The following FLT3 variants were observed in gnomAD, a reference collection of about 807,000 sequenced individuals.
FLT3 encodes the protein fms related receptor tyrosine kinase 3, also known as receptor-type tyrosine-protein kinase FLT3.
Under a neutral mutation model 126.6 loss-of-function variants are expected in FLT3, and 46 were observed. The observed-to-expected ratio is 0.36, with a 90% CI of 0.29 to 0.46. FLT3 has a LOEUF of 0.46. Among genes scored for constraint, FLT3 ranks in the 20% least tolerant of loss-of-function variants. FLT3 has a pLI of 1.00. For missense variants in FLT3, 1,069 were observed against 1,190.3 expected, an observed-to-expected ratio of 0.90 and a Z score of 1.50; for synonymous variants, 404 against 434.4, an observed-to-expected ratio of 0.93 and a Z score of 0.87.
At chr13:28,076,868 C>T (rs1037375994) in intron 1 of FLT3, among the ~76,000 whole-genome samples, 1 of 150,726 alleles carries the variant, frequency 6.6e-6, no homozygotes, top group East Asian at 2.0e-4. Flanking sequence ...GTCAAGGCTG[C>T]AGTGAGCTGT....
chr13:28,089,209 C>CT (rs1878873121), intron 1 of FLT3, among the ~76,000 whole-genome samples: 2 of 152,164 alleles, frequency 1.3e-5, no homozygotes, highest in Admixed American at 6.6e-5. Context: ...ATACCACATG[C>CT]TGACGATGAC....
At chr13:28,015,777 T>G in intron 20 of FLT3, 76 bp from the exon 21 acceptor site, 1 of 854,906 alleles carries the variant, frequency 1.2e-6, no homozygotes, top group Non-Finnish European at 2.0e-6. Flanking sequence ...TGTATTAAGA[T>G]GAAATGCATC....
At chr13:28,033,835 T>G in intron 15 of FLT3, 52 bp downstream of exon 15, 1 of 1,324,258 alleles carries the variant, frequency 7.6e-7, no homozygotes, top group Non-Finnish European at 1.1e-6. Flanking sequence ...GGTGGGAAAC[T>G]GTGCCTCCCA....
chr13:28,048,742 T>C (rs750326759), intron 8 of FLT3, among the ~76,000 whole-genome samples: 1 of 152,202 alleles, frequency 6.6e-6, no homozygotes, highest in Non-Finnish European at 1.5e-5. Flanking sequence ...CACTCTTCCA[T>C]TGATGAGAGA....
chr13:28,017,886 G>A (rs60783479), intron 20 of FLT3, among the ~76,000 whole-genome samples: 12,977 of 151,862 alleles, frequency 0.085, 1,477 homozygotes, highest in African/African-American at 0.26. Flanking sequence ...GGCTGGTATC[G>A]AACTCCTGAC....
At chr13:28,078,956 C>T (rs977013628) in intron 1 of FLT3, among the ~76,000 whole-genome samples, 2 of 152,180 alleles carry the variant, frequency 1.3e-5, no homozygotes, top group African/African-American at 2.4e-5. Flanking sequence ...TCGTGATCCC[C>T]CCGCCTTGGC....
At chr13:28,093,870 C>T (rs1164197390) in intron 1 of FLT3, among the ~76,000 whole-genome samples, 1 of 151,930 alleles carries the variant, frequency 6.6e-6, no homozygotes, top group Non-Finnish European at 1.5e-5. Flanking sequence ...TAACACAGGT[C>T]CTAGACATAG....
chr13:28,079,224 T>C (rs1318477263), intron 1 of FLT3, among the ~76,000 whole-genome samples: 1 of 152,212 alleles, frequency 6.6e-6, no homozygotes, highest in African/African-American at 2.4e-5. Flanking sequence ...GCCTCCAGTC[T>C]TTTTGCTAAA....
chr13:28,017,667 T>TG (rs201358415), intron 20 of FLT3, among the ~76,000 whole-genome samples: 145 of 135,944 alleles, frequency 1.1e-3, no homozygotes, highest in Middle Eastern at 3.5e-3. Flanking sequence ...TTGTTGTTGT[T>TG]TTTTTTTTTT....
rs566159510 is a variant in FLT3 at position 28,082,821 on chromosome 13, A to G, written c.44-12209T>C. 5.9e-5 allele frequency among the ~76,000 whole-genome samples: 9 copies of G among 152,106 alleles called. No individual in the cohort carries two copies. The South Asian group carries it at 1.2e-3, about 21-fold the overall frequency. On this transcript the variant is annotated intron_variant, in intron 1 of 23. Coordinates refer to ENST00000241453, the MANE Select transcript of FLT3 (RefSeq NM_004119.3). Reference sequence around the variant, plus strand: ...TGGGTTCACGCCAGTCTCCTGCCTCAGCCTCCCGAGTAGCTGGGACTACAG... The same window carrying G: ...TGGGTTCACGCCAGTCTCCTGCCTCGGCCTCCCGAGTAGCTGGGACTACAG...
chr13:28,078,731 T>TG (rs1282110054), intron 1 of FLT3, among the ~76,000 whole-genome samples: 2 of 150,790 alleles, frequency 1.3e-5, no homozygotes, highest in Non-Finnish European at 3.0e-5. Context: ...TTTTTTTTTT[T>TG]GAGATGCAGT....
At chr13:28,090,629 C>T (rs114553060) in intron 1 of FLT3, among the ~76,000 whole-genome samples, 27 of 152,074 alleles carry the variant, frequency 1.8e-4, no homozygotes, top group African/African-American at 6.0e-4. Flanking sequence ...AATACAAAAA[C>T]TACCCTAGTG....
At chr13:28,083,994 T>C (rs1445985702) in intron 1 of FLT3, among the ~76,000 whole-genome samples, 2 of 152,094 alleles carry the variant, frequency 1.3e-5, no homozygotes, top group South Asian at 2.1e-4. Context: ...CTGATGATTA[T>C]TACTGTGTTT....
At chr13:28,035,744 C>T (rs775482125) in intron 11 of FLT3, 71 bp from the exon 12 acceptor site, 18 of 1,484,334 alleles carry the variant, frequency 1.2e-5, no homozygotes, top group African/African-American at 2.8e-5. Flanking sequence ...ATTTCTGCAG[C>T]GAGTTCTAAA....
In FLT3 at chr13:28,016,935, G is replaced by A. The variant is rs753110287; in HGVS notation, c.2542-1234C>T. On this transcript the variant is annotated intron_variant, in intron 20 of 23. Coordinates refer to ENST00000241453, the MANE Select transcript of FLT3 (RefSeq NM_004119.3). ...TTCACCCTGGACAAGGTGCTTTCAC[G>A]TTGGTTTTATTGGCTTTTTCCCACA... Among the ~76,000 whole-genome samples the A allele has an allele frequency of 3.9e-5, 6 of 152,088 alleles. 1 individual carries two copies. The highest frequency in any genetic ancestry group is 7.3e-5 in the Non-Finnish European group (5 of 68,028).
At chr13:28,047,521 C>A (rs535266922) in intron 9 of FLT3, among the ~76,000 whole-genome samples, 39 of 151,896 alleles carry the variant, frequency 2.6e-4, no homozygotes, top group African/African-American at 9.2e-4. Context: ...GACCAGCCTG[C>A]GCAACATGGC....
intron 4 of FLT3, among the ~76,000 whole-genome samples, chr13:28,056,150 G>A (rs752331214): frequency 3.9e-5 from 6 of 152,140 alleles, no homozygotes; most frequent in South Asian, 2.1e-4. Flanking sequence ...TTGACAGCAA[G>A]ACCCACACAT....
At position 28,093,671 on chromosome 13, in the gene FLT3, C is replaced by A. The variant is rs115655895; in HGVS notation, c.43+6797G>T. 5.9e-3 allele frequency among the ~76,000 whole-genome samples: 892 copies of A among 152,284 alleles called. 8 individuals are homozygous for A. Among genetic ancestry groups the A allele is most frequent in the African/African-American group, 0.02 (830 of 41,556 alleles). On this transcript the variant is annotated intron_variant, in intron 1 of 23. Transcript: ENST00000241453. Reference sequence around the variant, plus strand: ...TCTTTCTCTGACAAGTCTTACTTCTCTTCCAGTATGACTCTGGCATCACCT... The same window carrying A: ...TCTTTCTCTGACAAGTCTTACTTCTATTCCAGTATGACTCTGGCATCACCT...
Position 28,023,495 on chromosome 13 carries a change from T to C in FLT3, c.2291-18A>G, listed in dbSNP as rs202085117. 2.3e-5 allele frequency: 37 copies of C among 1,610,592 alleles called. No homozygotes were observed. The African/African-American group carries it at 3.9e-4, about 17-fold the overall frequency. ...AATTTCATCTGTAAAATAGAGCCAG[T>C]CTTCACTTTTGCCAAAACTCTAAGA... On this transcript the variant is annotated intron_variant, in intron 18 of 23. Coordinates refer to ENST00000241453, the MANE Select transcript of FLT3 (RefSeq NM_004119.3).
Sources: allele counts gnomAD v4.1 joint callset (sites outside exome capture counted in the v4.1 genomes callset), GRCh38; gene constraint gnomAD v4.1.1; transcripts MANE v1.5; gene names NCBI Gene and HGNC (gene_info 2026-07-23, HGNC 2026-07-21).